RPTOR: variants seen among roughly 807,000 people sequenced by gnomAD.
The protein encoded by RPTOR is regulatory-associated protein of mTOR.
Under a neutral mutation model 169.9 loss-of-function variants are expected in RPTOR, and 21 were observed. The ratio of observed to expected loss-of-function variants is 0.12; its 90% CI spans 0.09 to 0.18. The LOEUF (loss-of-function observed/expected upper bound fraction) is 0.18. RPTOR is among the 10% of genes least tolerant of loss of function. The probability of loss-of-function intolerance (pLI) is 1.00; values close to 1 mark genes in which losing one functional copy is unlikely to be tolerated. For missense variants in RPTOR, 1,133 were observed against 1,855.9 expected, an observed-to-expected ratio of 0.61 and a Z score of 7.16; for synonymous variants, 732 against 753.2, an observed-to-expected ratio of 0.97 and a Z score of 0.46.
At chr17:80,617,544 A>G (rs1456518227) in intron 1 of RPTOR, among the ~76,000 whole-genome samples, 3 of 152,244 alleles carry the variant, frequency 2.0e-5, no homozygotes, top group African/African-American at 7.2e-5. Context: ...TTTAGATTTT[A>G]TGCTGTTGAA....
intron 20 of RPTOR, among the ~76,000 whole-genome samples, chr17:80,907,123 C>T (rs1212265190): frequency 6.6e-6 from 1 of 152,268 alleles, no homozygotes; most frequent in African/African-American, 2.4e-5. Context: ...ACGTGCGCAG[C>T]TGTGTTCCTG....
intron 1 of RPTOR, among the ~76,000 whole-genome samples, chr17:80,605,367 A>T (rs1442109833): frequency 6.6e-6 from 1 of 152,128 alleles, no homozygotes; most frequent in Non-Finnish European, 1.5e-5. Context: ...CTTTTACATT[A>T]AGAAAAAAGA....
chr17:80,546,524 A>G (rs572566418), intron 1 of RPTOR, among the ~76,000 whole-genome samples: 118 of 32,286 alleles, frequency 3.7e-3, no homozygotes, highest in Admixed American at 7.4e-3. Context: ...TGTCCTTCAT[A>G]AAACACCCAT....
intron 6 of RPTOR, among the ~76,000 whole-genome samples, chr17:80,763,871 T>A (rs1483312174): frequency 6.6e-5 from 10 of 152,176 alleles, no homozygotes; most frequent in Admixed American, 4.6e-4. Flanking sequence ...TTATATTTTT[T>A]ATTTTTTTTT....
At chr17:80,870,284 C>T (rs553721895) in intron 13 of RPTOR, among the ~76,000 whole-genome samples, 2 of 152,326 alleles carry the variant, frequency 1.3e-5, no homozygotes, top group South Asian at 4.2e-4. Context: ...AGGCTTCCCA[C>T]TGGGAACAGG....
chr17:80,785,701 CT>C (rs773239291), intron 6 of RPTOR, among the ~76,000 whole-genome samples: 3 of 135,676 alleles, frequency 2.2e-5, no homozygotes, highest in Non-Finnish European at 4.4e-5. Context: ...TTGACTCTGA[CT>C]GAGTTGGGTA....
intron 1 of RPTOR, among the ~76,000 whole-genome samples, chr17:80,559,424 G>C (rs1288896178): frequency 2.6e-5 from 4 of 152,280 alleles, no homozygotes; most frequent in African/African-American, 9.6e-5. Context: ...GAGGGCCCAA[G>C]CTCACTCTGT....
Position 80,822,295 on chromosome 17 carries a change from C to T in RPTOR, c.985C>T (p.Pro329Ser), listed in dbSNP as rs2143614408. 6.2e-7 allele frequency: 1 copy of T among 1,614,130 alleles called. No homozygotes were observed. Among genetic ancestry groups the T allele is most frequent in the African/African-American group, 1.3e-5 (1 of 75,066 alleles). ...ITDTIAWNVLPRDLFQKLFRQ... is the reference protein window; with the variant it reads ...ITDTIAWNVLSRDLFQKLFRQ... ...AGACACCATCGCGTGGAACGTGCTC[C>T]CCCGGGGTGAGGCGCGGGCCGGGCC... Residue 329 changes from proline to serine, a missense_variant, in exon 8 of 34, where the codon CCC (proline) becomes TCC (serine). Physicochemically the swap from Pro to Ser is moderately conservative, Grantham distance 74 (BLOSUM62 -1). This residue lies in a region of RPTOR where 289 missense variants were observed against 585.8 expected (regional missense o/e 0.49). Coordinates refer to ENST00000306801, the MANE Select transcript of RPTOR (RefSeq NM_020761.3).
chr17:80,703,274 A>T (rs774659828), intron 3 of RPTOR, among the ~76,000 whole-genome samples: 5 of 152,142 alleles, frequency 3.3e-5, no homozygotes, highest in Non-Finnish European at 7.4e-5. Context: ...CAAGCTCTGC[A>T]TGTGTTCTTT....
At chr17:80,741,556 T>C (rs951516090) in intron 5 of RPTOR, among the ~76,000 whole-genome samples, 5 of 152,174 alleles carry the variant, frequency 3.3e-5, no homozygotes, top group Non-Finnish European at 5.9e-5. Context: ...GGAGGGTGGA[T>C]GGAGGTCTTG....
chr17:80,720,869 G>A lies in RPTOR; in HGVS notation c.508-9691G>A, dbSNP rs557239416. Among the ~76,000 whole-genome samples, 16 of 146,850 alleles carry A rather than the reference G, an allele frequency of 1.1e-4. No homozygotes were observed. The East Asian group carries it at 2.9e-3, about 27-fold the overall frequency. On this transcript the variant is annotated intron_variant, in intron 4 of 33. Coordinates refer to ENST00000306801, the MANE Select transcript of RPTOR (RefSeq NM_020761.3). ...CTGCGGCCGCTTCTGCTGCTGTCTGGGTTGTCTGCCTTTGAGAACCCCTGG... is the reference window on the plus strand; with the variant it reads ...CTGCGGCCGCTTCTGCTGCTGTCTGAGTTGTCTGCCTTTGAGAACCCCTGG...
At chr17:80,833,103 T>C (rs2067524503) in intron 9 of RPTOR, among the ~76,000 whole-genome samples, 1 of 35,392 alleles carries the variant, frequency 2.8e-5, no homozygotes, top group Non-Finnish European at 5.1e-5. Context: ...TGCTTTCCGT[T>C]CCCGGGGCGG....
In RPTOR at chr17:80,557,557, T is replaced by TGA. The variant is rs1310266613; in HGVS notation, c.162+11766_162+11767insGA. Reference sequence around the variant, plus strand: ...CTCAATAAATCAATAAATACAAAAATAAGGAGGTATTTTGGTCATCTACAA... The same window carrying TGA: ...CTCAATAAATCAATAAATACAAAAATGAAAGGAGGTATTTTGGTCATCTACAA... On this transcript the variant is annotated intron_variant, in intron 1 of 33. Transcript: ENST00000306801. 5.0e-3 allele frequency among the ~76,000 whole-genome samples: 760 copies of TGA among 151,396 alleles called. 2 individuals are homozygous for TGA. Among genetic ancestry groups the TGA allele is most frequent in the Non-Finnish European group, 8.0e-3 (540 of 67,816 alleles).
chr17:80,897,897 CA>C (rs2143896022), intron 20 of RPTOR, among the ~76,000 whole-genome samples: 1 of 151,140 alleles, frequency 6.6e-6, no homozygotes, highest in East Asian at 1.9e-4. Context: ...CATCTCAAAA[CA>C]AAAACAAAAC....
intron 24 of RPTOR, among the ~76,000 whole-genome samples, chr17:80,928,027 T>C (rs7208237): frequency 1 from 152,135 of 152,204 alleles, 76,035 homozygotes; most frequent in Non-Finnish European, 1. Flanking sequence ...AATGAGTAAA[T>C]GATTGTCTTC....
chr17:80,642,954 C>CT (rs762626896), intron 2 of RPTOR, among the ~76,000 whole-genome samples: 4 of 152,082 alleles, frequency 2.6e-5, no homozygotes, highest in Middle Eastern at 3.4e-3. Flanking sequence ...TTCTACTAAA[C>CT]TTTTTTGGAA....
chr17:80,892,955 G>A, intron 19 of RPTOR, 86 bp downstream of exon 19: 1 of 1,484,624 alleles, frequency 6.7e-7, no homozygotes, highest in South Asian at 1.3e-5. Flanking sequence ...GCACCACTCT[G>A]CCCCTGCCCC....
At chr17:80,681,451 G>C (rs528480899) in intron 3 of RPTOR, among the ~76,000 whole-genome samples, 1 of 152,198 alleles carries the variant, frequency 6.6e-6, no homozygotes, top group African/African-American at 2.4e-5. Flanking sequence ...GCAGGTGACA[G>C]TTCAGGGGCA....
chr17:80,923,435 C>T (rs1220696085), intron 22 of RPTOR, 55 bp from the exon 23 acceptor site: 9 of 1,603,812 alleles, frequency 5.6e-6, no homozygotes, highest in Non-Finnish European at 7.7e-6. Context: ...CATGTTCCCT[C>T]TCGAAGCCCC....
Sources: allele counts gnomAD v4.1 joint callset (sites outside exome capture counted in the v4.1 genomes callset), GRCh38; gene constraint gnomAD v4.1.1; regional missense constraint gnomAD v4.1.1; transcripts MANE v1.5; gene names NCBI Gene and HGNC (gene_info 2026-07-23, HGNC 2026-07-21).